KAZN: variants seen among roughly 807,000 people sequenced by gnomAD.
KAZN encodes the protein kazrin.
KAZN carries 40 observed loss-of-function variants against 87.4 expected under a neutral mutation model. That is an observed-to-expected ratio of 0.46 (90% CI 0.36 to 0.60). The LOEUF (loss-of-function observed/expected upper bound fraction) is 0.60. Among genes scored for constraint, KAZN ranks in the 20% least tolerant of loss-of-function variants. KAZN has a pLI of 0.00. For missense variants in KAZN, 898 were observed against 1,073.9 expected, an observed-to-expected ratio of 0.84 and a Z score of 2.29; for synonymous variants, 466 against 458.3, an observed-to-expected ratio of 1.02 and a Z score of -0.22.
intron 1 of KAZN, among the ~76,000 whole-genome samples, chr1:14,850,202 G>A (rs891632713): frequency 2.0e-5 from 3 of 152,132 alleles, no homozygotes; most frequent in Non-Finnish European, 4.4e-5. Flanking sequence ...CCAAAGTGCT[G>A]GGATTATAGG....
At chr1:14,523,616 CT>C (rs1671700166) in intron 2 of KAZN, among the ~76,000 whole-genome samples, 1 of 152,250 alleles carries the variant, frequency 6.6e-6, no homozygotes, top group South Asian at 2.1e-4. Flanking sequence ...ACTTCCTTCA[CT>C]TTCTCTCCTA....
chr1:14,869,241 G>A (rs1651877551), intron 1 of KAZN, among the ~76,000 whole-genome samples: 1 of 149,854 alleles, frequency 6.7e-6, no homozygotes. Flanking sequence ...CTTTTGCACA[G>A]TCTCAAGCTC....
At position 14,639,792 on chromosome 1, in the gene KAZN, C is replaced by G. The variant is rs552866697; in HGVS notation, c.226+40569C>G. On this transcript the variant is annotated intron_variant, in intron 1 of 14. Coordinates refer to ENST00000376030, the MANE Select transcript of KAZN (RefSeq NM_201628.3). ...GACCCATCTCTTTTGATTTTTTTAG[C>G]CATCCAGGGCATGGAAGGGAGGTGC... 3.9e-5 allele frequency among the ~76,000 whole-genome samples: 6 copies of G among 152,250 alleles called. No homozygotes were observed. In the East Asian group the frequency reaches 1.2e-3, roughly 29 times the overall value.
chr1:14,029,758 C>T (rs1170367486), intron 1 of KAZN, among the ~76,000 whole-genome samples: 1 of 151,170 alleles, frequency 6.6e-6, no homozygotes, highest in Non-Finnish European at 1.5e-5. Context: ...TTGTTTTTCT[C>T]AGGTTTGTCA....
In KAZN at chr1:14,682,323, G is replaced by A. The variant is rs974541008; in HGVS notation, c.226+83100G>A. ...TTTTTTTTAAGACAGGGTCTTGCTC[G>A]GTTGCTCAGGGTGGAGTGCAGTGGC... On this transcript the variant is annotated intron_variant, in intron 1 of 14. Coordinates refer to ENST00000376030, the MANE Select transcript of KAZN (RefSeq NM_201628.3). Among the ~76,000 whole-genome samples, 9 of 149,148 alleles carry A rather than the reference G, an allele frequency of 6.0e-5. No individual in the cohort carries two copies. The South Asian group carries it at 6.4e-4, about 11-fold the overall frequency.
chr1:14,439,873 T>A (rs1666600870), intron 2 of KAZN, among the ~76,000 whole-genome samples: 1 of 152,184 alleles, frequency 6.6e-6, no homozygotes, highest in African/African-American at 2.4e-5. Context: ...CACTCTGTTG[T>A]CTGCTCCTTC....
At chr1:14,218,027 G>A (rs918530509) in intron 2 of KAZN, among the ~76,000 whole-genome samples, 5 of 152,108 alleles carry the variant, frequency 3.3e-5, no homozygotes, top group Non-Finnish European at 7.4e-5. Context: ...TTTAGTGAGA[G>A]TAAATTCCAA....
intron 1 of KAZN, among the ~76,000 whole-genome samples, chr1:14,129,213 A>G (rs771184210): frequency 6.6e-6 from 1 of 152,114 alleles, no homozygotes; most frequent in African/African-American, 2.4e-5. Flanking sequence ...GTGCCTAGAG[A>G]GGAAGGCATG....
chr1:14,454,111 A>C (rs1021563592), intron 2 of KAZN, among the ~76,000 whole-genome samples: 1 of 152,236 alleles, frequency 6.6e-6, no homozygotes, highest in African/African-American at 2.4e-5. Flanking sequence ...GGAGCTTTAC[A>C]GAAGTGAGAA....
At chr1:13,906,889 C>T (rs564422872) in intron 1 of KAZN, among the ~76,000 whole-genome samples, 2 of 152,260 alleles carry the variant, frequency 1.3e-5, no homozygotes, top group South Asian at 4.2e-4. Context: ...TCATTCCTAG[C>T]GACAGTCAGG....
chr1:14,116,397 G>A (rs1644618859), intron 1 of KAZN, among the ~76,000 whole-genome samples: 1 of 152,210 alleles, frequency 6.6e-6, no homozygotes, highest in Non-Finnish European at 1.5e-5. Flanking sequence ...CCAACATAGA[G>A]CTTGGGTCTT....
chr1:14,418,002 A>C (rs1185570749), intron 2 of KAZN, among the ~76,000 whole-genome samples: 1 of 39,576 alleles, frequency 2.5e-5, no homozygotes, highest in Non-Finnish European at 4.5e-5. Context: ...TCAAAAAAAA[A>C]AAAAAAAAAA....
chr1:14,946,447 C>T (rs1259573388), intron 1 of KAZN, among the ~76,000 whole-genome samples: 1 of 151,888 alleles, frequency 6.6e-6, no homozygotes, highest in Non-Finnish European at 1.5e-5. Context: ...ACGCCATTCT[C>T]CTGCCTCAGC....
rs1236568522 is a variant in KAZN at position 15,048,876 on chromosome 1, C to G, written c.726+4717C>G. 2.0e-5 allele frequency among the ~76,000 whole-genome samples: 3 copies of G among 150,740 alleles called. No homozygotes were observed. The East Asian group carries it at 5.9e-4, about 30-fold the overall frequency. On this transcript the variant is annotated intron_variant, in intron 4 of 14. Transcript: ENST00000376030. The stretch of plus-strand genomic sequence containing the variant: ...TGGTCCTTGGTCGTTGGTCCTGGGT[C>G]GTTGGTCCTGGGTCGTTGGTCCTGG...
chr1:14,404,404 A>G (rs1310069033), intron 2 of KAZN, among the ~76,000 whole-genome samples: 1 of 152,160 alleles, frequency 6.6e-6, no homozygotes, highest in Non-Finnish European at 1.5e-5. Context: ...TTGAAAGGGA[A>G]ATTCCACTGC....
chr1:13,984,753 T>C (rs1254257651), intron 1 of KAZN, among the ~76,000 whole-genome samples: 2 of 152,248 alleles, frequency 1.3e-5, no homozygotes, highest in Admixed American at 1.3e-4. Flanking sequence ...GGCATATAAG[T>C]GTGCAATATA....
chr1:14,606,825 A>G (rs150891519), intron 1 of KAZN, among the ~76,000 whole-genome samples: 149 of 152,254 alleles, frequency 9.8e-4, no homozygotes, highest in Non-Finnish European at 1.9e-3. Flanking sequence ...TACCCACTAG[A>G]TGACAGTAGA....
intron 1 of KAZN, among the ~76,000 whole-genome samples, chr1:13,903,381 G>T (rs116512749): frequency 6.6e-6 from 1 of 152,110 alleles, no homozygotes; most frequent in African/African-American, 2.4e-5. Context: ...CGTTTTTGTC[G>T]GCCCTTTATA....
chr1:14,543,750 C>T (rs1258431187), intron 2 of KAZN, among the ~76,000 whole-genome samples: 2 of 152,096 alleles, frequency 1.3e-5, no homozygotes, highest in Admixed American at 6.5e-5. Flanking sequence ...TTGGAGACCA[C>T]CGTATTATGA....
Sources: allele counts gnomAD v4.1 joint callset (sites outside exome capture counted in the v4.1 genomes callset), GRCh38; gene constraint gnomAD v4.1.1; transcripts MANE v1.5; gene names NCBI Gene and HGNC (gene_info 2026-07-23, HGNC 2026-07-21).